Variants in SLC27A1 observed in about 807,000 individuals in gnomAD.
SLC27A1 encodes solute carrier family 27 member 1.
Under a neutral mutation model 62.2 loss-of-function variants are expected in SLC27A1, and 61 were observed. The observed-to-expected ratio is 0.98, with a 90% CI of 0.80 to 1.21. The LOEUF (loss-of-function observed/expected upper bound fraction) is 1.21. Among genes scored for constraint, SLC27A1 ranks in the 50% most tolerant of loss-of-function variants. SLC27A1 has a pLI of 0.00. For missense variants in SLC27A1, 903 were observed against 932.1 expected, an observed-to-expected ratio of 0.97 and a Z score of 0.41; for synonymous variants, 435 against 408.6, an observed-to-expected ratio of 1.06 and a Z score of -0.78.
chr19:17,498,358 GA>G (rs1408573114), intron 7 of SLC27A1: 9 of 152,182 alleles, frequency 5.9e-5, no homozygotes, highest in African/African-American at 2.2e-4. Flanking sequence ...AACAGAGTGA[GA>G]CTCTGTGTCT....
intron 7 of SLC27A1, 32 bp downstream of exon 7, chr19:17,497,496 C>CG (rs2075363164): frequency 2.6e-6 from 4 of 1,568,072 alleles, no homozygotes; most frequent in Non-Finnish European, 3.5e-6. Flanking sequence ...GGGCAGGTCT[C>CG]GGAGTTCAGG....
intron 1 of SLC27A1, among the ~76,000 whole-genome samples, chr19:17,473,884 C>G (rs1346605299): frequency 1.3e-5 from 2 of 152,054 alleles, no homozygotes; most frequent in East Asian, 3.9e-4. Context: ...CAAAACAAAA[C>G]AAAGATTTAA....
chr19:17,486,085 T>C lies in SLC27A1; in HGVS notation c.168-478T>C, dbSNP rs1440373448. On this transcript the variant is annotated intron_variant, in intron 1 of 11. Transcript: ENST00000252595. This position sits in a 1 kb window ranked among gnomAD's most constrained non-coding sequence, Gnocchi z 6.6. ...TGGGGCAGGGGCAATCCCTCCCCAG[T>C]TGGGGGCACACGTGCTAGATGCTTC... is the stretch of plus-strand genomic sequence containing the variant. 6.6e-6 allele frequency among the ~76,000 whole-genome samples: 1 copy of C among 152,134 alleles called. No homozygotes were observed. Among genetic ancestry groups the C allele is most frequent in the Non-Finnish European group, 1.5e-5 (1 of 68,016 alleles).
chr19:17,489,108 C>G lies in SLC27A1; in HGVS notation c.987C>G (p.Tyr329Ter), dbSNP rs1181205265. ...ASRFWDDCIK[Y>*]NCTVVQYIGE... is the part of the protein sequence containing the mutation. ...GCTTCTGGGACGACTGCATCAAGTA[C>G]AACTGCACGGTCAGGCCCTGCCCTG... The change falls in exon 6 of 12, where the codon TAC becomes TAG. Residue 329 changes from tyrosine to a stop codon, truncating the protein, a stop_gained. Coordinates refer to ENST00000252595, the MANE Select transcript of SLC27A1 (RefSeq NM_198580.3). LOFTEE classifies it high-confidence loss of function. The G allele has an allele frequency of 6.2e-7, 1 of 1,614,046 alleles. No homozygotes were observed. Among genetic ancestry groups the G allele is most frequent in the Non-Finnish European group, 8.5e-7 (1 of 1,179,944 alleles).
intron 7 of SLC27A1, chr19:17,499,311 CCTAT>C (rs1362937770): frequency 6.5e-6 from 1 of 152,934 alleles, no homozygotes; most frequent in Non-Finnish European, 1.5e-5. Flanking sequence ...CCCCTCAGCT[CCTAT>C]CTCTCTATGG....
At chr19:17,484,388 C>G (rs1599649428) in intron 1 of SLC27A1, among the ~76,000 whole-genome samples, 1 of 152,128 alleles carries the variant, frequency 6.6e-6, no homozygotes, top group African/African-American at 2.4e-5. Context: ...TCCAGTAGTT[C>G]GAGACCAGCC....
intron 11 of SLC27A1, among the ~76,000 whole-genome samples, chr19:17,504,067 G>A (rs1364599803): frequency 1.3e-5 from 2 of 151,998 alleles, no homozygotes; most frequent in South Asian, 2.1e-4. Flanking sequence ...TTATAGGCAT[G>A]AGCCATTATT....
chr19:17,470,158 G>A (rs1005577620), upstream of SLC27A1, among the ~76,000 whole-genome samples: 1 of 151,998 alleles, frequency 6.6e-6, no homozygotes, highest in Non-Finnish European at 1.5e-5. Flanking sequence ...CGACAAGGTG[G>A]ACATGCTGGC....
At chr19:17,480,103 C>T (rs1346488901) in intron 1 of SLC27A1, among the ~76,000 whole-genome samples, 1 of 152,186 alleles carries the variant, frequency 6.6e-6, no homozygotes, top group East Asian at 1.9e-4. Flanking sequence ...TCTCAGCTCA[C>T]TGCAACCTCC....
rs757425804 is a variant in SLC27A1 at position 17,497,336 on chromosome 19, C to T, written c.1078C>T (p.Leu360=). 4 of 1,603,492 alleles carry T rather than the reference C, an allele frequency of 2.5e-6. No homozygotes were observed. Among genetic ancestry groups the T allele is most frequent in the Non-Finnish European group, 2.5e-6 (3 of 1,176,902 alleles). Reference sequence around the variant, plus strand: ...GGCGGAGAGGCGACACCGCGTGCGCCTGGCGGTGGGGAACGGGCTGCGTCC... The same window carrying T: ...GGCGGAGAGGCGACACCGCGTGCGCTTGGCGGTGGGGAACGGGCTGCGTCC... ...REAERRHRVR[L]AVGNGLRPAI... Residue 360 remains leucine, a synonymous_variant, in exon 7 of 12, where the codon CTG becomes TTG. Transcript: ENST00000252595.
chr19:17,505,177 A>T lies in SLC27A1; in HGVS notation c.*565A>T, dbSNP rs1181680288. 3.1e-6 allele frequency: 1 copy of T among 318,440 alleles called. No individual in the cohort carries two copies. Among genetic ancestry groups the T allele is most frequent in the Non-Finnish European group, 6.1e-6 (1 of 163,454 alleles). 19.7% of individuals were successfully genotyped at this position (318,440 alleles called of 1,614,324 possible). ...CCAGAGTGCTGGGATTATAGGCGTG[A>T]GCCTCTGGCCCGGCCTTTCCTTTTT... On this transcript the variant is annotated 3_prime_UTR_variant, in exon 12 of 12. Coordinates refer to ENST00000252595, the MANE Select transcript of SLC27A1 (RefSeq NM_198580.3).
chr19:17,476,169 C>T (rs1284687982), intron 1 of SLC27A1, among the ~76,000 whole-genome samples: 1 of 152,064 alleles, frequency 6.6e-6, no homozygotes, highest in Admixed American at 6.6e-5. Flanking sequence ...ACATTTGTAC[C>T]CCATCATGGA....
chr19:17,480,416 G>C (rs532123940), intron 1 of SLC27A1, among the ~76,000 whole-genome samples: 9 of 150,878 alleles, frequency 6.0e-5, no homozygotes, highest in Non-Finnish European at 1.3e-4. Context: ...TGTCACCCAG[G>C]CTCAATTGCA....
At chr19:17,476,070 T>C (rs913790925) in intron 1 of SLC27A1, among the ~76,000 whole-genome samples, 1 of 152,166 alleles carries the variant, frequency 6.6e-6, no homozygotes, top group African/African-American at 2.4e-5. Flanking sequence ...TGTTTCTTGT[T>C]GTTGTGTTGC....
upstream of SLC27A1, chr19:17,469,035 G>C (rs2075048843): frequency 6.6e-6 from 1 of 152,296 alleles, no homozygotes; most frequent in Non-Finnish European, 1.5e-5. Context: ...GGGGTTGTGC[G>C]TGCCCCCAGG....
chr19:17,504,760 C>T lies in SLC27A1; in HGVS notation c.*148C>T. ...CCCATCCTGGACTGAGAAACTGGAA[C>T]CTCAGAGGAACCCGTGCCTCTCTGC... is the stretch of plus-strand genomic sequence containing the variant. On this transcript the variant is annotated 3_prime_UTR_variant, in exon 12 of 12. Transcript: ENST00000252595. The T allele has an allele frequency of 9.5e-7, 1 of 1,057,280 alleles. No homozygotes were observed. The highest frequency in any genetic ancestry group is 1.3e-5 in the South Asian group (1 of 74,380). The allele number at this position is 1,057,280 out of a possible 1,614,324, so 65.5% of individuals were successfully genotyped here. A position where few individuals can be genotyped will look rare whatever the true frequency, so the allele number is the denominator to read the frequency against.
chr19:17,480,506 G>A (rs1162884713), intron 1 of SLC27A1, among the ~76,000 whole-genome samples: 1 of 147,282 alleles, frequency 6.8e-6, no homozygotes, highest in Non-Finnish European at 1.5e-5. Flanking sequence ...GAGTAGCTGG[G>A]ACTATACATG....
Position 17,497,253 on chromosome 19 carries a change from A to T in SLC27A1, c.997-2A>T. 3 of 1,589,326 alleles carry T rather than the reference A, an allele frequency of 1.9e-6. No homozygotes were observed. Among genetic ancestry groups the T allele is most frequent in the Non-Finnish European group, 2.6e-6 (3 of 1,172,242 alleles). ...CACCCACTTCCTCACCCCGTCCCCC[A>T]GGTGGTTCAGTACATCGGGGAGATC... On this transcript the variant is annotated splice_acceptor_variant, in intron 6 of 11. Transcript: ENST00000252595. LOFTEE classifies it high-confidence loss of function.
intron 1 of SLC27A1, among the ~76,000 whole-genome samples, chr19:17,474,333 G>A (rs2075102341): frequency 6.6e-6 from 1 of 152,200 alleles, no homozygotes; most frequent in Admixed American, 6.5e-5. Context: ...TGGTGCCACT[G>A]TGGCCCTGCG....
Sources: gnomAD v4.1 joint callset for allele counts (sites outside exome capture counted in the v4.1 genomes callset) on GRCh38, gnomAD v4.1.1 for gene constraint, Gnocchi (gnomAD v3.1) non-coding constraint, MANE v1.5 for transcripts, NCBI Gene and HGNC (gene_info 2026-07-23, HGNC 2026-07-21) for gene names.